Variants in ERC2 observed in about 807,000 individuals in gnomAD.
ERC2 encodes the protein ERC protein 2.
Under a neutral mutation model 114.8 loss-of-function variants are expected in ERC2, and 42 were observed. The ratio of observed to expected loss-of-function variants is 0.37; its 90% CI spans 0.29 to 0.47. ERC2 has a LOEUF of 0.47. ERC2 is among the 20% of genes least tolerant of loss of function. The pLI is 0.99. For missense variants in ERC2, 939 were observed against 1,150.7 expected (o/e 0.82, Z 2.66); for synonymous variants, 454 against 425.5 (o/e 1.07, Z -0.82).
rs59635680 is a variant in ERC2 at position 56,026,057 on chromosome 3, CTTTTTT to C, written c.1642-7032_1642-7027del. On this transcript the variant is annotated intron_variant, in intron 7 of 17. Coordinates refer to ENST00000288221, the MANE Select transcript of ERC2 (RefSeq NM_015576.3). ...GCAAACCCCCTTCCTCCGTTTCTTT[CTTTTTT>C]TTTTTTTTTTTTTTTTTTTCGAGAT... Among the ~76,000 whole-genome samples, 4 of 69,208 alleles carry C rather than the reference CTTTTTT, an allele frequency of 5.8e-5. No homozygotes were observed. The South Asian group carries it at 1.9e-3, about 32-fold the overall frequency. 45.4% of individuals were successfully genotyped at this position (69,208 alleles called of 152,430 possible).
intron 14 of ERC2, among the ~76,000 whole-genome samples, chr3:55,799,999 C>A (rs769438217): frequency 6.6e-6 from 1 of 152,084 alleles, no homozygotes; most frequent in Non-Finnish European, 1.5e-5. Context: ...CAAGTTAAAG[C>A]CATCAAGGAC....
intron 17 of ERC2, among the ~76,000 whole-genome samples, chr3:55,520,617 C>T (rs911132483): frequency 6.6e-6 from 1 of 152,094 alleles, no homozygotes; most frequent in Non-Finnish European, 1.5e-5. Flanking sequence ...AAATAATTGA[C>T]TATTTCAAGC....
chr3:55,930,588 T>A lies in ERC2; in HGVS notation c.2403+19837A>T, dbSNP rs550567533. On this transcript the variant is annotated intron_variant, in intron 13 of 17. Coordinates refer to ENST00000288221, the MANE Select transcript of ERC2 (RefSeq NM_015576.3). ...GAAACTGGACCCCTTCCTTACACCT[T>A]ATAAAAAAATTAGCTCAAGATGGAT... Among the ~76,000 whole-genome samples the A allele has an allele frequency of 2.0e-5, 3 of 152,224 alleles. No homozygotes were observed. In the South Asian group the frequency reaches 6.2e-4, roughly 32 times the overall value.
At chr3:56,298,345 T>C (rs893237626) in intron 2 of ERC2, among the ~76,000 whole-genome samples, 3 of 152,250 alleles carry the variant, frequency 2.0e-5, no homozygotes, top group African/African-American at 7.2e-5. Flanking sequence ...CGTTCCTTTT[T>C]ATGGCTGAAT....
intron 1 of ERC2, among the ~76,000 whole-genome samples, chr3:56,440,896 G>C (rs990559195): frequency 1.3e-5 from 2 of 152,110 alleles, no homozygotes; most frequent in African/African-American, 4.8e-5. Flanking sequence ...GATACTATGA[G>C]CCTCCAAAGA....
intron 14 of ERC2, among the ~76,000 whole-genome samples, chr3:55,770,821 T>C (rs1012931086): frequency 2.1e-5 from 3 of 141,666 alleles, no homozygotes; most frequent in South Asian, 2.5e-4. Flanking sequence ...ACAGGCCCCA[T>C]TGTGTGATGT....
intron 2 of ERC2, among the ~76,000 whole-genome samples, chr3:56,307,360 A>G (rs546304552): frequency 6.6e-6 from 1 of 152,348 alleles, no homozygotes; most frequent in Admixed American, 6.5e-5. Context: ...CATGCAGTGC[A>G]CAATTACAGT....
At position 55,559,905 on chromosome 3, in the gene ERC2, G is replaced by C. The variant is rs142578500; in HGVS notation, c.*40-48629C>G. ...GAGCGCTAGCCCACAGCGTACGGAT[G>C]GCCATGCTATCTTGAAGGAGCCCAC... On this transcript the variant is annotated intron_variant, in intron 17 of 17. Transcript: ENST00000288221. Among the ~76,000 whole-genome samples, 686 of 152,332 alleles carry C rather than the reference G, an allele frequency of 4.5e-3. 22 individuals carry two copies. Among genetic ancestry groups the C allele is most frequent in the Non-Finnish European group, 1.5e-3 (102 of 68,028 alleles).
At chr3:55,517,403 T>C (rs2052594559) in intron 17 of ERC2, among the ~76,000 whole-genome samples, 1 of 132,934 alleles carries the variant, frequency 7.5e-6, no homozygotes, top group Admixed American at 9.0e-5. Flanking sequence ...GCCAAGATTG[T>C]GCCACTACAC....
chr3:55,715,851 C>A (rs2148870613), intron 15 of ERC2, among the ~76,000 whole-genome samples: 1 of 152,186 alleles, frequency 6.6e-6, no homozygotes. Flanking sequence ...CTTCAAATTT[C>A]CATGTCTCAA....
At chr3:56,033,318 T>C (rs1360467276) in intron 7 of ERC2, among the ~76,000 whole-genome samples, 1 of 152,238 alleles carries the variant, frequency 6.6e-6, no homozygotes, top group Non-Finnish European at 1.5e-5. Context: ...TTATTTTTAA[T>C]ATTTTGTAGA....
rs372196822 is a variant in ERC2 at position 55,621,089 on chromosome 3, C to T, written c.*39+62705G>A. 3.0e-4 allele frequency among the ~76,000 whole-genome samples: 45 copies of T among 152,214 alleles called. No homozygotes were observed. The South Asian group carries it at 9.1e-3, about 31-fold the overall frequency. Reference sequence around the variant, plus strand: ...TGAAGCACATTCTTCATATTAGCATCATCCATACCCCATTTCCATTCTGTC... The same window carrying T: ...TGAAGCACATTCTTCATATTAGCATTATCCATACCCCATTTCCATTCTGTC... On this transcript the variant is annotated intron_variant, in intron 17 of 17. Coordinates refer to ENST00000288221, the MANE Select transcript of ERC2 (RefSeq NM_015576.3).
At chr3:56,425,745 C>A (rs545546667) in intron 2 of ERC2, among the ~76,000 whole-genome samples, 1 of 152,210 alleles carries the variant, frequency 6.6e-6, no homozygotes, top group South Asian at 2.1e-4. Context: ...GTTATCAGGA[C>A]TGGCAATTAC....
intron 17 of ERC2, among the ~76,000 whole-genome samples, chr3:55,514,573 G>C (rs1490937426): frequency 6.6e-6 from 1 of 152,252 alleles, no homozygotes; most frequent in African/African-American, 2.4e-5. Flanking sequence ...AAACCAGAGG[G>C]ATTGGCTGTG....
At chr3:55,609,776 T>C (rs1425822252) in intron 17 of ERC2, among the ~76,000 whole-genome samples, 1 of 152,094 alleles carries the variant, frequency 6.6e-6, no homozygotes, top group Non-Finnish European at 1.5e-5. Context: ...GGAAGCACTT[T>C]AATCTGCAAA....
At chr3:55,866,463 T>A (rs1281319563) in intron 14 of ERC2, among the ~76,000 whole-genome samples, 1 of 152,220 alleles carries the variant, frequency 6.6e-6, no homozygotes, top group Non-Finnish European at 1.5e-5. Context: ...AAGTTTTTAA[T>A]TTTGATGAAG....
intron 14 of ERC2, among the ~76,000 whole-genome samples, chr3:55,823,607 T>C (rs1160305497): frequency 1.3e-5 from 2 of 152,200 alleles, no homozygotes; most frequent in African/African-American, 4.8e-5. Context: ...CCTACTGGAA[T>C]TGAGAAGCTT....
intron 3 of ERC2, 94 bp from the exon 4 acceptor site, chr3:56,173,614 G>T: frequency 8.6e-7 from 1 of 1,166,002 alleles, no homozygotes; most frequent in Non-Finnish European, 1.2e-6. Context: ...CTGGGTCCTG[G>T]TTCCCCTTGC....
At chr3:56,416,675 A>AAC (rs1553622756) in intron 2 of ERC2, among the ~76,000 whole-genome samples, 1 of 151,520 alleles carries the variant, frequency 6.6e-6, no homozygotes, top group Non-Finnish European at 1.5e-5. Context: ...AAAAAAAAAA[A>AAC]AAAAAACTCC....
Sources: gnomAD v4.1 joint callset for allele counts (sites outside exome capture counted in the v4.1 genomes callset) on GRCh38, gnomAD v4.1.1 for gene constraint, MANE v1.5 for transcripts, NCBI Gene and HGNC (gene_info 2026-07-23, HGNC 2026-07-21) for gene names.